The following BRI3BP variants were observed in gnomAD, a reference collection of about 807,000 sequenced individuals.
BRI3BP encodes the protein BRI3-binding protein.
In BRI3BP, 7 loss-of-function variants were observed where a neutral mutation model predicts 15.8. That is an observed-to-expected ratio of 0.44 (90% confidence interval 0.25 to 0.83). The LOEUF is 0.83. Among genes scored for constraint, BRI3BP ranks in the 40% least tolerant of loss-of-function variants. The pLI, the probability that BRI3BP is intolerant of heterozygous loss-of-function variation, is 0.20. For synonymous variants in BRI3BP, 192 were observed against 163.5 expected, an observed-to-expected ratio of 1.17 and a Z score of -1.33; for missense variants, 320 against 339.3, an observed-to-expected ratio of 0.94 and a Z score of 0.45.
At chr12:125,033,532 G>T (rs935979465), downstream of BRI3BP, among the ~76,000 whole-genome samples, 2 of 151,676 alleles carry the variant, frequency 1.3e-5, no homozygotes, top group South Asian at 2.1e-4. Context: ...TCCTGCTTGC[G>T]CATTCCCCTT....
the BRI3BP span, among the ~76,000 whole-genome samples, chr12:125,039,157 C>G: frequency 6.6e-6 from 1 of 152,118 alleles, no homozygotes; most frequent in African/African-American, 2.4e-5. Flanking sequence ...GTGACCTGCA[C>G]AAAATGGAAC....
chr12:125,001,211 C>T (rs532425101), intron 1 of BRI3BP, among the ~76,000 whole-genome samples: 63 of 151,114 alleles, frequency 4.2e-4, no homozygotes, highest in Admixed American at 1.1e-3. Context: ...CCCGCCATCA[C>T]GCCCGGCTAA....
chr12:125,022,786 C>T (rs1418180440), intron 2 of BRI3BP, among the ~76,000 whole-genome samples: 2 of 152,022 alleles, frequency 1.3e-5, no homozygotes, highest in African/African-American at 4.8e-5. Flanking sequence ...CTTGGCCTCC[C>T]AAATGCTGGC....
the BRI3BP span, among the ~76,000 whole-genome samples, chr12:125,037,444 A>G: frequency 1.3e-5 from 2 of 152,228 alleles, no homozygotes; most frequent in Non-Finnish European, 1.5e-5. Context: ...GCATAGCTAT[A>G]GTAGATGAAA....
Position 125,026,176 on chromosome 12 carries a change from T to C in BRI3BP, c.*746T>C, listed in dbSNP as rs1032937054. 1 of 152,134 alleles carries C rather than the reference T, an allele frequency of 6.6e-6. No homozygotes were observed. The highest frequency in any genetic ancestry group is 2.4e-5 in the African/African-American group (1 of 41,420). The allele number at this position is 152,134 out of a possible 1,614,324, so 9.4% of individuals were successfully genotyped here. ...AACCTCAACATTTTGAAACGGAAAATGCAAGGAGGGGCCAAGAAATGTCCT... is the reference window on the plus strand; with the variant it reads ...AACCTCAACATTTTGAAACGGAAAACGCAAGGAGGGGCCAAGAAATGTCCT... On this transcript the variant is annotated 3_prime_UTR_variant, in exon 3 of 3. Transcript: ENST00000341446.
the BRI3BP span, among the ~76,000 whole-genome samples, chr12:125,041,202 C>T: frequency 6.6e-6 from 1 of 151,976 alleles, no homozygotes; most frequent in Non-Finnish European, 1.5e-5. Flanking sequence ...CCTGCCACCA[C>T]GCCTGGCTAA....
intron 1 of BRI3BP, among the ~76,000 whole-genome samples, chr12:125,006,192 TA>T (rs142187197): frequency 0.039 from 5,974 of 152,236 alleles, 246 homozygotes; most frequent in Admixed American, 0.13. Context: ...TCCTAGGGTT[TA>T]GGGCTTCCAC....
At position 125,029,569 on chromosome 12, in the gene BRI3BP, T is replaced by TAC. The variant is rs1565908697; in HGVS notation, c.*4140_*4141insCA. 4.3e-5 allele frequency: 6 copies of TAC among 138,022 alleles called. No homozygotes were observed. Among genetic ancestry groups the TAC allele is most frequent in the African/African-American group, 1.3e-4 (4 of 31,082 alleles). 8.5% of individuals were successfully genotyped at this position (138,022 alleles called of 1,614,324 possible). On this transcript the variant is annotated 3_prime_UTR_variant, in exon 3 of 3. Coordinates refer to ENST00000341446, the MANE Select transcript of BRI3BP (RefSeq NM_080626.6). ...AAGTGTGTGTGTGTGTATATATATG[T>TAC]ATATATATATACACACACACACACT...
Position 125,029,877 on chromosome 12 carries a change from G to A in BRI3BP, c.*4447G>A, listed in dbSNP as rs1955393819. On this transcript the variant is annotated 3_prime_UTR_variant, in exon 3 of 3. Transcript: ENST00000341446. ...ACTGTGATGGTGGTAACCAAGTGGGGTGGTCCCCTCTGGGGAGCTGAGTAA... is the reference window on the plus strand; with the variant it reads ...ACTGTGATGGTGGTAACCAAGTGGGATGGTCCCCTCTGGGGAGCTGAGTAA... The A allele has an allele frequency of 6.6e-6, 1 of 152,308 alleles. No homozygotes were observed. The highest frequency in any genetic ancestry group is 2.4e-5 in the African/African-American group (1 of 41,450). The allele number at this position is 152,308 out of a possible 1,614,324, so 9.4% of individuals were successfully genotyped here.
At chr12:125,016,100 C>T (rs1262307916) in intron 2 of BRI3BP, among the ~76,000 whole-genome samples, 2 of 152,166 alleles carry the variant, frequency 1.3e-5, no homozygotes, top group East Asian at 3.8e-4. Flanking sequence ...GCAGCGGATC[C>T]ACGAGCCCTG....
chr12:125,013,447 G>A (rs1344734556), intron 2 of BRI3BP, among the ~76,000 whole-genome samples: 3 of 152,228 alleles, frequency 2.0e-5, no homozygotes, highest in African/African-American at 7.2e-5. Flanking sequence ...ACAACAACTA[G>A]ACTTTGCATG....
At chr12:125,048,825 G>A in the BRI3BP span, among the ~76,000 whole-genome samples, 2 of 152,090 alleles carry the variant, frequency 1.3e-5, no homozygotes, top group Non-Finnish European at 2.9e-5. Flanking sequence ...CGTTCTAGGA[G>A]CCTGCGTTTG....
At chr12:125,002,993 C>T (rs920374273) in intron 1 of BRI3BP, among the ~76,000 whole-genome samples, 1 of 151,998 alleles carries the variant, frequency 6.6e-6, no homozygotes, top group African/African-American at 2.4e-5. Flanking sequence ...CTGGGGGTGC[C>T]CTTTCCCCTC....
chr12:125,025,557 A>G lies in BRI3BP; in HGVS notation c.*127A>G. 9.6e-7 allele frequency: 1 copy of G among 1,046,088 alleles called. No homozygotes were observed. Among genetic ancestry groups the G allele is most frequent in the East Asian group, 2.6e-5 (1 of 38,090 alleles). The allele number at this position is 1,046,088 out of a possible 1,614,324, so 64.8% of individuals were successfully genotyped here. ...ACTGAGCAAGAAAGTGGCGCTGTGT[A>G]GGGCTATTTCCACCCACCCGGCAGC... On this transcript the variant is annotated 3_prime_UTR_variant, in exon 3 of 3. Coordinates refer to ENST00000341446, the MANE Select transcript of BRI3BP (RefSeq NM_080626.6).
chr12:125,003,666 A>G (rs988670872), intron 1 of BRI3BP, among the ~76,000 whole-genome samples: 4 of 152,116 alleles, frequency 2.6e-5, no homozygotes, highest in African/African-American at 7.2e-5. Context: ...CAAAACCACA[A>G]TACCGGCCGG....
Position 125,025,435 on chromosome 12 carries a change from C to T in BRI3BP, c.*5C>T, listed in dbSNP as rs1380020708. 1.3e-6 allele frequency: 2 copies of T among 1,579,044 alleles called. No individual in the cohort carries two copies. Among genetic ancestry groups the T allele is most frequent in the Admixed American group, 1.8e-5 (1 of 55,948 alleles). On this transcript the variant is annotated 3_prime_UTR_variant, in exon 3 of 3. Transcript: ENST00000341446. Reference sequence around the variant, plus strand: ...GACCGCTCCAAGGACAAGTGAAGGTCAGCCGGCCGGGCGGGTCCACAGTTA... The same window carrying T: ...GACCGCTCCAAGGACAAGTGAAGGTTAGCCGGCCGGGCGGGTCCACAGTTA...
chr12:125,044,200 T>C, the BRI3BP span, among the ~76,000 whole-genome samples: 1 of 151,948 alleles, frequency 6.6e-6, no homozygotes. Context: ...TCGCCCAGGC[T>C]AGAGTGCAGT....
At position 125,030,154 on chromosome 12, in the gene BRI3BP, G is replaced by T. The variant is rs917173126; in HGVS notation, c.*4724G>T. The T allele has an allele frequency of 6.6e-6, 1 of 152,202 alleles. No individual in the cohort carries two copies. Among genetic ancestry groups the T allele is most frequent in the African/African-American group, 2.4e-5 (1 of 41,446 alleles). The allele number at this position is 152,202 out of a possible 1,614,324, so 9.4% of individuals were successfully genotyped here. A position where few individuals can be genotyped will look rare whatever the true frequency, so the allele number is the denominator to read the frequency against. On this transcript the variant is annotated 3_prime_UTR_variant, in exon 3 of 3. Transcript: ENST00000341446. ...ACTTCTTAAGATGCTTTTGATGAAT[G>T]TCATCTGCCTTACAAGTTGACACCT... is the stretch of plus-strand genomic sequence containing the variant.
At chr12:125,041,812 TTA>T in the BRI3BP span, among the ~76,000 whole-genome samples, 2 of 152,210 alleles carry the variant, frequency 1.3e-5, no homozygotes, top group Admixed American at 6.5e-5. Context: ...TCCTTCCCCC[TTA>T]GTCTCCTAAG....
Sources: gnomAD v4.1 joint callset for allele counts (sites outside exome capture counted in the v4.1 genomes callset) on GRCh38, gnomAD v4.1.1 for gene constraint, MANE v1.5 for transcripts, NCBI Gene and HGNC (gene_info 2026-07-23, HGNC 2026-07-21) for gene names.